Variants in NUFIP2 observed in about 807,000 individuals in gnomAD.
The protein encoded by NUFIP2 is FMR1-interacting protein NUFIP2.
Under a neutral mutation model 56.9 loss-of-function variants are expected in NUFIP2, and 6 were observed. The ratio of observed to expected loss-of-function variants is 0.11; its 90% confidence interval spans 0.06 to 0.21. The LOEUF is 0.21. NUFIP2 is among the 10% of genes least tolerant of loss of function. The pLI is 1.00. For missense variants in NUFIP2, 828 were observed against 826.8 expected (o/e 1.00, Z -0.02); for synonymous variants, 321 against 298.2 (o/e 1.08, Z -0.79).
Position 29,282,546 on chromosome 17 carries a change from T to A in NUFIP2, c.2002+3446A>T, listed in dbSNP as rs529784258. Among the ~76,000 whole-genome samples the A allele has an allele frequency of 3.0e-4, 43 of 142,376 alleles. No individual in the cohort carries two copies. In the East Asian group the frequency reaches 8.6e-3, roughly 29 times the overall value. 93.4% of individuals were successfully genotyped at this position (142,376 alleles called of 152,430 possible). A position where few individuals can be genotyped will look rare whatever the true frequency, so the allele number is the denominator to read the frequency against. On this transcript the variant is annotated intron_variant, in intron 2 of 3. Coordinates refer to ENST00000225388, the MANE Select transcript of NUFIP2 (RefSeq NM_020772.3). ...CTGGGCAACAGAGCAAGACCCCATC[T>A]CAAAAAAAAAAAAAACCACCAAAAA...
chr17:29,285,963 A>T (rs1398335939), intron 2 of NUFIP2, 29 bp downstream of exon 2: 2 of 1,545,198 alleles, frequency 1.3e-6, no homozygotes, highest in Non-Finnish European at 1.7e-6. Context: ...GGCCAATAAA[A>T]ATCTTTGTAT....
chr17:29,259,750 T>C lies in NUFIP2; in HGVS notation c.*4789A>G, dbSNP rs948365329. 6.6e-6 allele frequency: 1 copy of C among 152,232 alleles called. No individual in the cohort carries two copies. The highest frequency in any genetic ancestry group is 1.5e-5 in the Non-Finnish European group (1 of 68,050). The allele number at this position is 152,232 out of a possible 1,614,324, so 9.4% of individuals were successfully genotyped here. On this transcript the variant is annotated 3_prime_UTR_variant, in exon 4 of 4. Transcript: ENST00000225388. ...ATAACTGATTTACCATTCCCAATAATGCAAGAGCAACATACCAATCATGCT... is the reference window on the plus strand; with the variant it reads ...ATAACTGATTTACCATTCCCAATAACGCAAGAGCAACATACCAATCATGCT...
chr17:29,268,463 T>C (rs2069051924), intron 2 of NUFIP2, among the ~76,000 whole-genome samples: 2 of 152,174 alleles, frequency 1.3e-5, no homozygotes, highest in African/African-American at 4.8e-5. Flanking sequence ...AGTTTAACCA[T>C]TCAGGCAAGT....
intron 2 of NUFIP2, among the ~76,000 whole-genome samples, chr17:29,280,760 C>A (rs892791165): frequency 1.8e-4 from 28 of 151,728 alleles, no homozygotes; most frequent in African/African-American, 6.8e-4. Context: ...CGGAGGTGGG[C>A]GGAGAACTTG....
At chr17:29,265,696 T>A (rs1412453664) in intron 3 of NUFIP2, among the ~76,000 whole-genome samples, 1 of 141,164 alleles carries the variant, frequency 7.1e-6, no homozygotes, top group Non-Finnish European at 1.5e-5. Flanking sequence ...AAGAACTTTT[T>A]CAAGTATACA....
rs987913755 is a variant in NUFIP2, at chr17:29,262,747, ATT to A, written c.*1790_*1791del. On this transcript the variant is annotated 3_prime_UTR_variant, in exon 4 of 4. Transcript: ENST00000225388. ...AGTTATTTTATATATATATATATAT[ATT>A]ATGTATAAAAAAAAGTTTTGTTTAC... 6.9e-6 allele frequency: 1 copy of A among 145,798 alleles called. No individual in the cohort carries two copies. The highest frequency in any genetic ancestry group is 2.5e-5 in the African/African-American group (1 of 39,346). The allele number at this position is 145,798 out of a possible 1,614,324, so 9.0% of individuals were successfully genotyped here. A position where few individuals can be genotyped will look rare whatever the true frequency, so the allele number is the denominator to read the frequency against.
At chr17:29,274,903 T>C (rs1291483314) in intron 2 of NUFIP2, among the ~76,000 whole-genome samples, 2 of 151,952 alleles carry the variant, frequency 1.3e-5, no homozygotes, top group African/African-American at 2.4e-5. Flanking sequence ...TGACAAAAAA[T>C]TGGGTTAATG....
intron 2 of NUFIP2, among the ~76,000 whole-genome samples, chr17:29,276,491 C>CCTGGCTAATTTTTGTATA (rs1567678477): frequency 6.6e-6 from 1 of 152,056 alleles, no homozygotes; most frequent in Non-Finnish European, 1.5e-5. Flanking sequence ...CGCCACCATG[C>CCTGGCTAATTTTTGTATA]CTGGCTAATT....
rs549118811 is a variant in NUFIP2 at position 29,265,490 on chromosome 17, C to G, written c.2036-899G>C. Among the ~76,000 whole-genome samples, 343 of 144,712 alleles carry G rather than the reference C, an allele frequency of 2.4e-3. 2 individuals are homozygous for G. Among genetic ancestry groups the G allele is most frequent in the African/African-American group, 8.2e-3 (327 of 39,734 alleles). 94.9% of individuals were successfully genotyped at this position (144,712 alleles called of 152,430 possible). On this transcript the variant is annotated intron_variant, in intron 3 of 3. Coordinates refer to ENST00000225388, the MANE Select transcript of NUFIP2 (RefSeq NM_020772.3). ...GCTAATTTTTTGTATTTTTAGTAGA[C>G]ACGGGGTTTCACCGTGTTAGCCAGG...
At position 29,287,250 on chromosome 17, in the gene NUFIP2, C is replaced by G. The variant is rs747830824; in HGVS notation, c.744G>C (p.Glu248Asp). The G allele has an allele frequency of 3.1e-6, 5 of 1,614,152 alleles. No homozygotes were observed. The South Asian group carries it at 5.5e-5, about 18-fold the overall frequency. ...CCTGTTTTAAGGTTGGGACACTGGT[C>G]TCTTGTTGCATTATTTTGTCCTGCA... ...NIVQDKIMQQ[E>D]TSVPTLKQGL... is the part of the protein sequence containing the mutation. Residue 248 changes from glutamate to aspartate, a missense_variant, in exon 2 of 4, where the codon GAG becomes GAC. Glu to Asp is a conservative substitution (Grantham distance 45). Coordinates refer to ENST00000225388, the MANE Select transcript of NUFIP2 (RefSeq NM_020772.3).
intron 2 of NUFIP2, among the ~76,000 whole-genome samples, chr17:29,273,385 T>C (rs889043728): frequency 2.0e-5 from 3 of 151,626 alleles, no homozygotes; most frequent in African/African-American, 7.3e-5. Context: ...TTGGCCAGGC[T>C]AGTCTCAAAC....
In NUFIP2 at chr17:29,286,198, C is replaced by G; in HGVS notation, c.1796G>C (p.Gly599Ala). ...GALSLEPSHI[G>A]DLQKADTSSQ... ...ACTGGTGTCTGCTTTCTGCAGGTCA[C>G]CTATATGACTGGGTTCCAAGGATAA... Residue 599 changes from glycine (G) to alanine (A), a missense_variant, in exon 2 of 4, where the codon GGT (glycine) becomes GCT (alanine). This residue lies in a region of NUFIP2 where 404 missense variants were observed against 380.3 expected (regional missense o/e 1.06). Transcript: ENST00000225388. The G allele has an allele frequency of 6.2e-7, 1 of 1,614,000 alleles. No homozygotes were observed.
At chr17:29,293,725 C>G in intron 1 of NUFIP2, 58 bp downstream of exon 1, 11 of 1,299,360 alleles carry the variant, frequency 8.5e-6, no homozygotes, top group Non-Finnish European at 1.1e-5. Context: ...AGCCCCACCC[C>G]CATCTCTCCT....
chr17:29,270,019 C>G (rs924266026), intron 2 of NUFIP2, among the ~76,000 whole-genome samples: 1 of 152,046 alleles, frequency 6.6e-6, no homozygotes, highest in African/African-American at 2.4e-5. Context: ...CGCGCCTGGC[C>G]AAGCCTGGCA....
intron 2 of NUFIP2, among the ~76,000 whole-genome samples, chr17:29,270,762 T>C (rs1478743215): frequency 2.0e-5 from 3 of 152,160 alleles, no homozygotes; most frequent in East Asian, 3.9e-4. Context: ...GGAGGATCAC[T>C]TGAGGGACCA....
intron 2 of NUFIP2, among the ~76,000 whole-genome samples, chr17:29,281,105 G>A (rs751121449): frequency 1.3e-5 from 2 of 148,282 alleles, no homozygotes; most frequent in Non-Finnish European, 3.0e-5. Flanking sequence ...GACCAGCCTG[G>A]GTAAAATACA....
At chr17:29,283,424 G>C (rs1380072111) in intron 2 of NUFIP2, among the ~76,000 whole-genome samples, 1 of 152,116 alleles carries the variant, frequency 6.6e-6, no homozygotes, top group African/African-American at 2.4e-5. Context: ...TGCAGACCTG[G>C]ATCTCCCAGG....
chr17:29,270,091 T>G (rs1449614895), intron 2 of NUFIP2, among the ~76,000 whole-genome samples: 3 of 152,124 alleles, frequency 2.0e-5, no homozygotes, highest in Non-Finnish European at 4.4e-5. Context: ...ATCCATATAC[T>G]GGGATCAATT....
intron 2 of NUFIP2, among the ~76,000 whole-genome samples, chr17:29,267,945 C>G (rs2069048420): frequency 6.6e-6 from 1 of 152,110 alleles, no homozygotes; most frequent in Non-Finnish European, 1.5e-5. Flanking sequence ...GTTACCCAGG[C>G]TGGAGTGCAG....
Sources: allele counts gnomAD v4.1 joint callset (sites outside exome capture counted in the v4.1 genomes callset), GRCh38; gene constraint gnomAD v4.1.1; regional missense constraint gnomAD v4.1.1; transcripts MANE v1.5; gene names NCBI Gene and HGNC (gene_info 2026-07-23, HGNC 2026-07-21).